The following DCDC1 variants were observed in gnomAD, a reference collection of about 807,000 sequenced individuals.
DCDC1 encodes the protein doublecortin domain containing 1, also known as doublecortin domain-containing protein 1.
In DCDC1, 200 loss-of-function variants were observed where a neutral mutation model predicts 178.3. The observed-to-expected ratio is 1.12, with a 90% CI of 1.00 to 1.26. The LOEUF (loss-of-function observed/expected upper bound fraction) is 1.26. Ranked by LOEUF, DCDC1 falls within the 50% of genes most tolerant of loss-of-function variation. DCDC1 has a pLI of 0.00. For synonymous variants in DCDC1, 690 were observed against 604.8 expected (o/e 1.14, Z -2.07); for missense variants, 1,983 against 1,749.2 (o/e 1.13, Z -2.38).
intron 11 of DCDC1, among the ~76,000 whole-genome samples, chr11:31,121,447 T>G (rs1327201522): frequency 1.4e-5 from 2 of 146,790 alleles, no homozygotes; most frequent in Non-Finnish European, 3.0e-5. Flanking sequence ...TTTAAACTTG[T>G]CACTGTATTA....
chr11:30,904,903 A>T, intron 31 of DCDC1, 58 bp downstream of exon 31: 1 of 1,594,780 alleles, frequency 6.3e-7, no homozygotes, highest in Non-Finnish European at 8.6e-7. Flanking sequence ...CTTTAAGAAG[A>T]ATTGCCATTG....
chr11:30,937,304 T>C (rs1435257377), intron 21 of DCDC1, among the ~76,000 whole-genome samples: 1 of 152,100 alleles, frequency 6.6e-6, no homozygotes, highest in Non-Finnish European at 1.5e-5. Context: ...CACCCCAGTA[T>C]TAACCCAAAA....
At chr11:31,240,464 A>G (rs1370402616) in intron 9 of DCDC1, among the ~76,000 whole-genome samples, 3 of 152,034 alleles carry the variant, frequency 2.0e-5, no homozygotes, top group African/African-American at 7.2e-5. Context: ...ACTTTATTCC[A>G]AAGTCAATAC....
At chr11:31,051,155 G>A (rs1293307629) in intron 20 of DCDC1, among the ~76,000 whole-genome samples, 1 of 152,074 alleles carries the variant, frequency 6.6e-6, no homozygotes, top group Admixed American at 6.5e-5. Flanking sequence ...GGAAAATTTG[G>A]ACACAGTTTT....
Position 31,202,448 on chromosome 11 carries a change from G to T in DCDC1, c.1221+39002C>A, listed in dbSNP as rs114805389. Among the ~76,000 whole-genome samples the T allele has an allele frequency of 6.0e-3, 906 of 152,008 alleles. 11 individuals are homozygous for T. Among genetic ancestry groups the T allele is most frequent in the African/African-American group, 0.021 (871 of 41,456 alleles). On this transcript the variant is annotated intron_variant, in intron 9 of 38. Coordinates refer to ENST00000684477, the MANE Select transcript of DCDC1 (RefSeq NM_001387274.1). The stretch of plus-strand genomic sequence containing the variant: ...TAGTTGACTGTGGTGGCATTTGCTT[G>T]TGGTCCCTGTTACTCAGGAGGCTGA...
At chr11:31,263,997 CAA>C (rs1363145269) in intron 8 of DCDC1, among the ~76,000 whole-genome samples, 5 of 152,144 alleles carry the variant, frequency 3.3e-5, no homozygotes, top group Admixed American at 2.6e-4. Flanking sequence ...TCTCTTTTGA[CAA>C]AGACAATGAA....
intron 9 of DCDC1, among the ~76,000 whole-genome samples, chr11:31,143,924 G>A (rs747947302): frequency 3.3e-5 from 5 of 152,106 alleles, no homozygotes; most frequent in East Asian, 1.9e-4. Flanking sequence ...TTTGAATGAC[G>A]CTACTTTGAT....
At chr11:31,352,814 C>A (rs1951141960) in intron 1 of DCDC1, among the ~76,000 whole-genome samples, 2 of 152,182 alleles carry the variant, frequency 1.3e-5, no homozygotes, top group South Asian at 4.1e-4. Flanking sequence ...TCGTATGTAG[C>A]CCTCTAGGAG....
chr11:31,050,266 C>G (rs1053773621), intron 20 of DCDC1, among the ~76,000 whole-genome samples: 1 of 152,068 alleles, frequency 6.6e-6, no homozygotes. Context: ...CATGACTCAG[C>G]AGAGTCAGCC....
chr11:30,924,791 G>A (rs538178921), intron 23 of DCDC1, among the ~76,000 whole-genome samples: 2 of 152,020 alleles, frequency 1.3e-5, no homozygotes, highest in East Asian at 1.9e-4. Context: ...AGATTAATTC[G>A]GCCGGGCGCG....
chr11:31,307,910 T>C lies in DCDC1; in HGVS notation c.165-2A>G. On this transcript the variant is annotated splice_acceptor_variant, in intron 3 of 38. Transcript: ENST00000684477. LOFTEE classifies it high-confidence loss of function. ...TTTGCCTGGGATGACATAAACTCTC[T>C]GGAAGAAACAATGCATGGAAGAATA... is the stretch of plus-strand genomic sequence containing the variant. 6.2e-7 allele frequency: 1 copy of C among 1,613,832 alleles called. No individual in the cohort carries two copies. The highest frequency in any genetic ancestry group is 8.5e-7 in the Non-Finnish European group (1 of 1,179,790).
intron 6 of DCDC1, among the ~76,000 whole-genome samples, chr11:31,295,269 CT>C (rs932138865): frequency 2.0e-5 from 3 of 152,072 alleles, no homozygotes; most frequent in African/African-American, 7.2e-5. Context: ...TTTTATAGCT[CT>C]TTTTTTCTGA....
intron 20 of DCDC1, among the ~76,000 whole-genome samples, chr11:30,980,789 G>A (rs1950353277): frequency 6.6e-6 from 1 of 152,124 alleles, no homozygotes; most frequent in Non-Finnish European, 1.5e-5. Flanking sequence ...CTGTAAAACT[G>A]GATAGGGGCC....
chr11:31,185,396 C>T (rs964892374), intron 9 of DCDC1, among the ~76,000 whole-genome samples: 10 of 150,898 alleles, frequency 6.6e-5, no homozygotes, highest in African/African-American at 2.4e-4. Context: ...TAGCCCAGAA[C>T]TTAAAATATA....
At chr11:31,361,507 A>G (rs1041017646) in intron 1 of DCDC1, among the ~76,000 whole-genome samples, 1 of 152,134 alleles carries the variant, frequency 6.6e-6, no homozygotes, top group South Asian at 2.1e-4. Context: ...TTAAGACAAG[A>G]GTCTTGCCCT....
At chr11:31,265,979 G>A (rs1308712232) in intron 7 of DCDC1, among the ~76,000 whole-genome samples, 1 of 150,416 alleles carries the variant, frequency 6.6e-6, no homozygotes, top group African/African-American at 2.4e-5. Flanking sequence ...AACTCTGAGG[G>A]ATTTTTATCT....
chr11:30,908,029 C>G (rs1945193846), intron 29 of DCDC1, among the ~76,000 whole-genome samples: 1 of 152,038 alleles, frequency 6.6e-6, no homozygotes, highest in African/African-American at 2.4e-5. Flanking sequence ...TAGAATTAGA[C>G]AAAATTGACC....
intron 17 of DCDC1, among the ~76,000 whole-genome samples, chr11:31,083,799 C>A (rs892699918): frequency 1.3e-5 from 2 of 152,086 alleles, no homozygotes; most frequent in Non-Finnish European, 2.9e-5. Context: ...TTCCTCTGTG[C>A]GTGCATGTGT....
intron 6 of DCDC1, among the ~76,000 whole-genome samples, chr11:31,292,847 G>GA (rs11340351): frequency 6.0e-5 from 9 of 150,546 alleles, no homozygotes; most frequent in East Asian, 5.9e-4. Flanking sequence ...ATTTCTCTGG[G>GA]AAAAAAAAAA....
Sources: gnomAD v4.1 joint callset for allele counts (sites outside exome capture counted in the v4.1 genomes callset) on GRCh38, gnomAD v4.1.1 for gene constraint, MANE v1.5 for transcripts, NCBI Gene and HGNC (gene_info 2026-07-23, HGNC 2026-07-21) for gene names.